Variants in TNRC18 observed in about 807,000 individuals in gnomAD.
The protein encoded by TNRC18 is trinucleotide repeat-containing gene 18 protein.
Under a neutral mutation model 226.7 loss-of-function variants are expected in TNRC18, and 69 were observed. The observed-to-expected ratio is 0.30, with a 90% CI of 0.25 to 0.37. TNRC18 has a LOEUF of 0.37. Ranked by LOEUF, TNRC18 falls within the 10% of genes least tolerant of loss-of-function variation. The pLI, the probability that TNRC18 is intolerant of heterozygous loss-of-function variation, is 1.00. For synonymous variants in TNRC18, 2,449 were observed against 1,927.6 expected (o/e 1.27, Z -7.09); for missense variants, 4,754 against 4,256.6 (o/e 1.12, Z -3.25).
chr7:5,340,638 G>A (rs1316976020), intron 18 of TNRC18, among the ~76,000 whole-genome samples: 1 of 151,798 alleles, frequency 6.6e-6, no homozygotes, highest in Non-Finnish European at 1.5e-5. Context: ...AGCTACTTGG[G>A]AGGCTGAGGC....
In TNRC18 at chr7:5,362,791, C is replaced by A. The variant is rs772653315; in HGVS notation, c.4254G>T (p.Leu1418=). Residue 1418 remains leucine (L), a synonymous_variant, in exon 12 of 30, where the codon CTG becomes CTT. Coordinates refer to ENST00000430969, the MANE Select transcript of TNRC18 (RefSeq NM_001080495.3). The part of the protein sequence containing the change: ...AERALVARPS[L]ESLLAAGSHM... ...GGCTGCCAGCTGCCAGCAGACTCTC[C>A]AGGGAGGGCCGCGCCACCAGGGCCC... The A allele has an allele frequency of 1.9e-6, 3 of 1,569,520 alleles. No homozygotes were observed. The highest frequency in any genetic ancestry group is 2.6e-6 in the Non-Finnish European group (3 of 1,157,878).
At chr7:5,314,420 AT>A (rs1297087870) in intron 26 of TNRC18, among the ~76,000 whole-genome samples, 2 of 152,000 alleles carry the variant, frequency 1.3e-5, no homozygotes, top group Non-Finnish European at 2.9e-5. Context: ...TGCACGAAGT[AT>A]TTTCTCTGGA....
At position 5,357,290 on chromosome 7, in the gene TNRC18, G is replaced by T; in HGVS notation, c.4834-14C>A. 6.2e-7 allele frequency: 1 copy of T among 1,602,978 alleles called. No homozygotes were observed. The highest frequency in any genetic ancestry group is 1.3e-5 in the African/African-American group (1 of 74,892). Reference sequence around the variant, plus strand: ...CTTAATCTTTAGCTGGAGAGGGAAGGTGGGTCATGGGTTAAAAGATCTGAC... The same window carrying T: ...CTTAATCTTTAGCTGGAGAGGGAAGTTGGGTCATGGGTTAAAAGATCTGAC... On this transcript the variant is annotated splice_polypyrimidine_tract_variant and intron_variant, in intron 15 of 29. Coordinates refer to ENST00000430969, the MANE Select transcript of TNRC18 (RefSeq NM_001080495.3).
At chr7:5,364,322 A>C (rs572855992) in intron 11 of TNRC18, among the ~76,000 whole-genome samples, 6 of 152,004 alleles carry the variant, frequency 3.9e-5, no homozygotes, top group Admixed American at 2.0e-4. Context: ...ATATAAATGT[A>C]AACTGGGTGC....
At chr7:5,320,448 G>A (rs1295435736) in intron 23 of TNRC18, 22 bp from the exon 24 acceptor site, 2 of 1,562,276 alleles carry the variant, frequency 1.3e-6, no homozygotes, top group Non-Finnish European at 1.7e-6. Flanking sequence ...TGGGATGAGT[G>A]CAAGGTGTGG....
At chr7:5,345,850 C>G (rs371527664) in intron 17 of TNRC18, 40 bp from the exon 18 acceptor site, 32 of 1,515,988 alleles carry the variant, frequency 2.1e-5, no homozygotes, top group African/African-American at 4.1e-5. Flanking sequence ...GAGCCTTGGC[C>G]TTGGCGAGGG....
chr7:5,313,013 G>T lies in TNRC18; in HGVS notation c.7878C>A (p.Ser2626=), dbSNP rs112387517. 1.4e-5 allele frequency: 12 copies of T among 836,522 alleles called. No individual in the cohort carries two copies. Among genetic ancestry groups the T allele is most frequent in the Non-Finnish European group, 1.5e-5 (8 of 520,278 alleles). The allele number at this position is 836,522 out of a possible 1,614,324, so 51.8% of individuals were successfully genotyped here. ...AGGAGGAAGAGGAGGATGAGGAGGA[G>T]GAGGAGGAGGAGGAGGAGGATGAGG... ...SSSSSSSSSS[S]SSSSSSSSSS... is the part of the protein sequence containing the mutation. The change falls in exon 27 of 30, where the codon TCC becomes TCA. Residue 2626 remains serine, a synonymous_variant. Transcript: ENST00000430969.
At chr7:5,336,878 C>A (rs1421685292) in intron 18 of TNRC18, among the ~76,000 whole-genome samples, 4 of 152,096 alleles carry the variant, frequency 2.6e-5, no homozygotes, top group Admixed American at 1.3e-4. Flanking sequence ...TGTGGGGGAA[C>A]CAGCCTCAGA....
At position 5,370,924 on chromosome 7, in the gene TNRC18, C is replaced by G. The variant is rs928127847; in HGVS notation, c.3670G>C (p.Glu1224Gln). ...GAATCCACCCGTGGTTCAGGCCCCT[C>G]CACAAAGTCTGGACACTCAGAGGGC... Reference protein sequence around the residue: ...AEPSECPDFVEGPEPRVDSPG... With the variant: ...AEPSECPDFVQGPEPRVDSPG... Residue 1224 changes from glutamate to glutamine, a missense_variant, in exon 11 of 30, where the codon GAG becomes CAG. Coordinates refer to ENST00000430969, the MANE Select transcript of TNRC18 (RefSeq NM_001080495.3). The G allele has an allele frequency of 7.5e-6, 12 of 1,605,580 alleles. No homozygotes were observed. The highest frequency in any genetic ancestry group is 1.0e-5 in the Non-Finnish European group (12 of 1,179,734).
At chr7:5,356,839 AAGG>A in intron 16 of TNRC18, 74 bp downstream of exon 16, 1 of 1,304,810 alleles carries the variant, frequency 7.7e-7, no homozygotes, top group East Asian at 2.6e-5. Flanking sequence ...GCGGGGGGGG[AAGG>A]AGGACGGTGG....
At position 5,361,619 on chromosome 7, in the gene TNRC18, C is replaced by A; in HGVS notation, c.4636G>T (p.Gly1546Trp). The A allele has an allele frequency of 6.5e-7, 1 of 1,544,212 alleles. No individual in the cohort carries two copies. The highest frequency in any genetic ancestry group is 8.7e-7 in the Non-Finnish European group (1 of 1,145,982). Residue 1546 changes from glycine (G) to tryptophan (W), a missense_variant, in exon 14 of 30, where the codon GGG (glycine) becomes TGG (tryptophan). Transcript: ENST00000430969. ...TTTCCGCTACTGTGGCCGCTCTTCC[C>A]TCTCTTGCGGGGGGGCGACAGGGCG... ...PSALSPPRKRGKSGHSSGKLS... is the reference protein window; with the variant it reads ...PSALSPPRKRWKSGHSSGKLS...
intron 11 of TNRC18, among the ~76,000 whole-genome samples, chr7:5,368,872 C>G (rs1010416032): frequency 4.6e-5 from 7 of 152,126 alleles, no homozygotes; most frequent in Admixed American, 4.6e-4. Context: ...GTTTTCCATG[C>G]TGAACATCAG....
intron 11 of TNRC18, among the ~76,000 whole-genome samples, chr7:5,366,251 T>C (rs1165890842): frequency 6.8e-6 from 1 of 148,078 alleles, no homozygotes; most frequent in African/African-American, 2.5e-5. Flanking sequence ...AAAAATGTGG[T>C]TGCCAATGTC....
rs888042233 is a variant in TNRC18, at chr7:5,377,102, T to A, written c.2462-109A>T. 1.4e-5 allele frequency: 20 copies of A among 1,450,146 alleles called. No homozygotes were observed. Among genetic ancestry groups the A allele is most frequent in the Middle Eastern group, 4.9e-4 (2 of 4,078 alleles). The allele number at this position is 1,450,146 out of a possible 1,614,324, so 89.8% of individuals were successfully genotyped here. ...CCCAAGTCCTGAACCTCCTGGGGCCTCCAGTGGGGAAGCCAAGGGACAGGG... is the reference window on the plus strand; with the variant it reads ...CCCAAGTCCTGAACCTCCTGGGGCCACCAGTGGGGAAGCCAAGGGACAGGG... On this transcript the variant is annotated intron_variant, in intron 7 of 29. Transcript: ENST00000430969. The surrounding 1 kb of genome is among the most constrained non-coding windows in gnomAD (Gnocchi z 5.8).
chr7:5,406,742 T>A (rs1382856875), intron 2 of TNRC18, among the ~76,000 whole-genome samples: 4 of 150,604 alleles, frequency 2.7e-5, no homozygotes, highest in South Asian at 2.1e-4. Flanking sequence ...TTGAAGCTAC[T>A]CAGGAGACTG....
At position 5,388,743 on chromosome 7, in the gene TNRC18, G is replaced by A. The variant is rs1193955253; in HGVS notation, c.1081C>T (p.Arg361Cys). 2.7e-5 allele frequency: 34 copies of A among 1,253,006 alleles called. No individual in the cohort carries two copies. The highest frequency in any genetic ancestry group is 2.6e-4 in the East Asian group (7 of 26,932). The allele number at this position is 1,253,006 out of a possible 1,614,324, so 77.6% of individuals were successfully genotyped here. A position where few individuals can be genotyped will look rare whatever the true frequency, so the allele number is the denominator to read the frequency against. ...ACGCGGTGCTCACGGCCCTGCTCGC[G>A]GAAGACGGTGTAGACGCCGGCGGGG... ...ATPAGVYTVF[R>C]EQGREHRVVA... is the part of the protein sequence containing the mutation. The change falls in exon 5 of 30, where the codon CGC becomes TGC. Residue 361 changes from arginine (R) to cysteine (C), a missense_variant. Arg to Cys is a radical substitution (Grantham distance 180). Coordinates refer to ENST00000430969, the MANE Select transcript of TNRC18 (RefSeq NM_001080495.3).
chr7:5,367,798 G>A (rs932439033), intron 11 of TNRC18, among the ~76,000 whole-genome samples: 2 of 151,806 alleles, frequency 1.3e-5, no homozygotes, highest in South Asian at 2.1e-4. Context: ...TTTCGTGAGA[G>A]AAAAGCAGCA....
chr7:5,352,087 G>A lies in TNRC18; in HGVS notation c.5202C>T (p.Asp1734=). 1.9e-6 allele frequency: 3 copies of A among 1,603,364 alleles called. No homozygotes were observed. Among genetic ancestry groups the A allele is most frequent in the Non-Finnish European group, 2.6e-6 (3 of 1,173,960 alleles). The change falls in exon 17 of 30, where the codon GAC becomes GAT. Residue 1734 remains aspartate (D), a synonymous_variant. Transcript: ENST00000430969. Reference sequence around the variant, plus strand: ...TCAGGAATTCTTCGTCTTCCTCTGAGTCCGTATCTGCAGTCAAAGTAGTTT... The same window carrying A: ...TCAGGAATTCTTCGTCTTCCTCTGAATCCGTATCTGCAGTCAAAGTAGTTT... ...SEVSSYSYNT[D]SEEDEEFLKD... is the part of the protein sequence containing the mutation.
rs769678729 is a variant in TNRC18 at position 5,362,786 on chromosome 7, C to G, written c.4259G>C (p.Ser1420Thr). The part of the protein sequence containing the change: ...RALVARPSLE[S>T]LLAAGSHMLR... ...CATGTGGCTGCCAGCTGCCAGCAGA[C>G]TCTCCAGGGAGGGCCGCGCCACCAG... The change falls in exon 12 of 30, where the codon AGT becomes ACT. Residue 1420 changes from serine to threonine, a missense_variant. Physicochemically the swap from Ser to Thr is moderately conservative, Grantham distance 58. Transcript: ENST00000430969. 6.4e-7 allele frequency: 1 copy of G among 1,572,870 alleles called. No individual in the cohort carries two copies. Among genetic ancestry groups the G allele is most frequent in the Non-Finnish European group, 8.6e-7 (1 of 1,159,694 alleles).
Sources: allele counts gnomAD v4.1 joint callset (sites outside exome capture counted in the v4.1 genomes callset), GRCh38; gene constraint gnomAD v4.1.1; non-coding constraint Gnocchi (gnomAD v3.1); transcripts MANE v1.5; gene names NCBI Gene and HGNC (gene_info 2026-07-23, HGNC 2026-07-21).